TRPM4: variants seen among roughly 807,000 people sequenced by gnomAD.
TRPM4 encodes the protein calcium-activated non-selective cation channel 1.
A neutral mutation model predicts 135.6 loss-of-function variants in TRPM4; 124 were observed. The ratio of observed to expected loss-of-function variants is 0.91; its 90% confidence interval spans 0.79 to 1.06. The LOEUF (loss-of-function observed/expected upper bound fraction) is 1.06, where lower values mean the gene tolerates loss of function less well. TRPM4 is among the 50% of genes least tolerant of loss of function. The pLI is 0.00. For missense variants in TRPM4, 1,658 were observed against 1,671.4 expected (o/e 0.99, Z 0.14); for synonymous variants, 745 against 705.6 (o/e 1.06, Z -0.88).
chr19:49,211,580 C>A lies in TRPM4; in HGVS notation c.*82C>A. On this transcript the variant is annotated 3_prime_UTR_variant, in exon 25 of 25. Transcript: ENST00000252826. The surrounding 1 kb of genome is among the most constrained non-coding windows in gnomAD (Gnocchi z 4.8). ...AGGCTCATCTGGGCCTCGGCCCCCG[C>A]ACCTGGTGGCCTTGTCCTTGAGGTG... The A allele has an allele frequency of 6.4e-7, 1 of 1,562,256 alleles. No individual in the cohort carries two copies. The highest frequency in any genetic ancestry group is 1.1e-5 in the South Asian group (1 of 90,072).
rs767155832 is a variant in TRPM4 at position 49,166,164 on chromosome 19, C to T, written c.216C>T (p.Thr72=). The T allele has an allele frequency of 1.1e-5, 17 of 1,608,856 alleles. No individual in the cohort carries two copies. Among genetic ancestry groups the T allele is most frequent in the African/African-American group, 1.3e-5 (1 of 74,870 alleles). Residue 72 remains threonine (T), a synonymous_variant, in exon 3 of 25, where the codon ACC becomes ACT. Transcript: ENST00000252826. ...ATGCACACACCACGGAGAAGCCCAC[C>T]GATGCCTACGGAGAGCTGGACTTCA... ...DSDAHTTEKP[T]DAYGELDFTG...
At chr19:49,195,615 C>G (rs1968601237) in intron 16 of TRPM4, among the ~76,000 whole-genome samples, 1 of 151,944 alleles carries the variant, frequency 6.6e-6, no homozygotes, top group South Asian at 2.1e-4. Context: ...GCTGATCTGC[C>G]TGCCTCGGCC....
intron 9 of TRPM4, among the ~76,000 whole-genome samples, chr19:49,178,603 C>T (rs1012358152): frequency 1.3e-5 from 2 of 151,470 alleles, no homozygotes. Context: ...GAGATGAGGA[C>T]GTAGGGAAGA....
intron 2 of TRPM4, among the ~76,000 whole-genome samples, chr19:49,160,563 G>C (rs1417436740): frequency 6.6e-6 from 1 of 152,128 alleles, no homozygotes; most frequent in Non-Finnish European, 1.5e-5. Flanking sequence ...AGGACCATAT[G>C]GTTTGGCTTG....
intron 20 of TRPM4, among the ~76,000 whole-genome samples, chr19:49,209,090 TTAAC>T (rs1568496537): frequency 6.6e-6 from 1 of 152,208 alleles, no homozygotes; most frequent in Non-Finnish European, 1.5e-5. Context: ...TTTTGTATGT[TTAAC>T]TACCCTTACT....
Position 49,197,037 on chromosome 19 carries a change from C to T in TRPM4, c.2645+163C>T, listed in dbSNP as rs1419614210. ...AGGAAAGTCGGGCATGACGATTGCC[C>T]CAGGGTAATTGGCTGGCACCTGGAG... On this transcript the variant is annotated intron_variant, in intron 17 of 24. Coordinates refer to ENST00000252826, the MANE Select transcript of TRPM4 (RefSeq NM_017636.4). Among the ~76,000 whole-genome samples, 3 of 152,192 alleles carry T rather than the reference C, an allele frequency of 2.0e-5. No homozygotes were observed. In the South Asian group the frequency reaches 6.2e-4, roughly 31 times the overall value.
At chr19:49,197,680 TTTC>T (rs1168399878) in intron 17 of TRPM4, among the ~76,000 whole-genome samples, 1 of 151,426 alleles carries the variant, frequency 6.6e-6, no homozygotes, top group African/African-American at 2.4e-5. Flanking sequence ...TTTTGTTTTC[TTTC>T]TTTTCTTTTT....
intron 9 of TRPM4, among the ~76,000 whole-genome samples, chr19:49,174,953 G>C (rs1341964611): frequency 1.3e-5 from 2 of 151,336 alleles, no homozygotes; most frequent in African/African-American, 4.9e-5. Context: ...GCTCAGGCTG[G>C]AGTGCAGTGG....
intron 17 of TRPM4, among the ~76,000 whole-genome samples, chr19:49,197,256 C>G (rs574848124): frequency 6.6e-6 from 1 of 151,818 alleles, no homozygotes; most frequent in African/African-American, 2.4e-5. Context: ...CTCCTGCCCC[C>G]GACTTTTTCT....
intron 13 of TRPM4, 62 bp downstream of exon 13, chr19:49,188,832 C>T: frequency 1.2e-6 from 2 of 1,612,846 alleles, no homozygotes; most frequent in East Asian, 2.2e-5. Context: ...GGATGTGCAA[C>T]TCCGCACTCC....
At chr19:49,203,709 G>C (rs547105546) in intron 20 of TRPM4, among the ~76,000 whole-genome samples, 4 of 152,150 alleles carry the variant, frequency 2.6e-5, no homozygotes, top group Admixed American at 2.6e-4. Context: ...GGAATTATGC[G>C]ATATTTGTCT....
Position 49,211,525 on chromosome 19 carries a change from G to C in TRPM4, c.*27G>C, listed in dbSNP as rs763559910. On this transcript the variant is annotated 3_prime_UTR_variant, in exon 25 of 25. Transcript: ENST00000252826. The surrounding 1 kb of genome is among the most constrained non-coding windows in gnomAD (Gnocchi z 4.8). ...CCCTGCTGGCGGACTTCAAGGAGAAGCCCCCACAGGGGATTTTGCTCCTAG... is the reference window on the plus strand; with the variant it reads ...CCCTGCTGGCGGACTTCAAGGAGAACCCCCCACAGGGGATTTTGCTCCTAG... 5 of 1,613,914 alleles carry C rather than the reference G, an allele frequency of 3.1e-6. No individual in the cohort carries two copies. The Admixed American group carries it at 8.3e-5, about 27-fold the overall frequency.
chr19:49,175,723 C>G (rs1334460016), intron 9 of TRPM4, among the ~76,000 whole-genome samples: 1 of 149,086 alleles, frequency 6.7e-6, no homozygotes, highest in Non-Finnish European at 1.5e-5. Flanking sequence ...TGCAGTGGCG[C>G]GATCTCGGCT....
chr19:49,181,096 A>C (rs988928358), intron 9 of TRPM4, among the ~76,000 whole-genome samples: 1 of 151,910 alleles, frequency 6.6e-6, no homozygotes, highest in Non-Finnish European at 1.5e-5. Context: ...TACCTCAATA[A>C]ATATTAAATG....
rs1360846084 is a variant in TRPM4 at position 49,173,444 on chromosome 19, A to C, written c.1150+1336A>C. On this transcript the variant is annotated intron_variant, in intron 9 of 24. Coordinates refer to ENST00000252826, the MANE Select transcript of TRPM4 (RefSeq NM_017636.4). ...ATCCATCTTTTCATTCATCCATCCA[A>C]CTGTTCTTCCATCTATCCATCCACC... is the stretch of plus-strand genomic sequence containing the variant. Among the ~76,000 whole-genome samples the C allele has an allele frequency of 2.0e-5, 3 of 152,010 alleles. No individual in the cohort carries two copies. The East Asian group carries it at 5.8e-4, about 29-fold the overall frequency.
At chr19:49,190,545 T>C in intron 15 of TRPM4, 151 bp from the exon 16 acceptor site, 2 of 871,206 alleles carry the variant, frequency 2.3e-6, no homozygotes, top group Non-Finnish European at 3.6e-6. Context: ...TGGCCATGGC[T>C]CTGGGGGAAG....
At chr19:49,173,727 G>A (rs1967562985) in intron 9 of TRPM4, among the ~76,000 whole-genome samples, 1 of 151,972 alleles carries the variant, frequency 6.6e-6, no homozygotes, top group South Asian at 2.1e-4. Context: ...GTGTGATCAC[G>A]GCTCAGTGCA....
chr19:49,177,330 CTTT>C (rs36041791), intron 9 of TRPM4, among the ~76,000 whole-genome samples: 4 of 117,260 alleles, frequency 3.4e-5, no homozygotes, highest in Non-Finnish European at 3.5e-5. Flanking sequence ...ATGAATGCGT[CTTT>C]TTTTTTTTTT....
rs920677391 is a variant in TRPM4 at position 49,210,615 on chromosome 19, C to T, written c.3329-95C>T. The T allele has an allele frequency of 6.3e-7, 1 of 1,589,568 alleles. No homozygotes were observed. The highest frequency in any genetic ancestry group is 8.6e-7 in the Non-Finnish European group (1 of 1,161,074). On this transcript the variant is annotated intron_variant, in intron 21 of 24. Transcript: ENST00000252826. The surrounding 1 kb of genome is among the most constrained non-coding windows in gnomAD (Gnocchi z 4.1). ...GTTCTCGAATCACCAGGGGCTGGGT[C>T]TGGGATAGCGTGCGTGTTCTGAGGG...
Sources: gnomAD v4.1 joint callset for allele counts (sites outside exome capture counted in the v4.1 genomes callset) on GRCh38, gnomAD v4.1.1 for gene constraint, Gnocchi (gnomAD v3.1) non-coding constraint, MANE v1.5 for transcripts, NCBI Gene and HGNC (gene_info 2026-07-23, HGNC 2026-07-21) for gene names.